THSD7B: variants seen among roughly 807,000 people sequenced by gnomAD.
The protein encoded by THSD7B is thrombospondin type-1 domain-containing protein 7B.
Under a neutral mutation model 213.6 loss-of-function variants are expected in THSD7B, and 138 were observed. The observed-to-expected ratio is 0.65, with a 90% confidence interval of 0.56 to 0.74. THSD7B has a LOEUF of 0.74. Ranked by LOEUF, THSD7B falls within the 30% of genes least tolerant of loss-of-function variation. The probability of loss-of-function intolerance (pLI) is 0.00; values close to 1 mark genes in which losing one functional copy is unlikely to be tolerated. For missense variants in THSD7B, 1,931 were observed against 1,991.5 expected, an observed-to-expected ratio of 0.97 and a Z score of 0.58; for synonymous variants, 742 against 687.0, an observed-to-expected ratio of 1.08 and a Z score of -1.25.
At chr2:136,993,669 A>G (rs1272048082) in intron 2 of THSD7B, among the ~76,000 whole-genome samples, 1 of 152,344 alleles carries the variant, frequency 6.6e-6, no homozygotes, top group East Asian at 1.9e-4. Context: ...CTGTGGCCCA[A>G]ATCTGTTCAC....
At chr2:137,609,969 G>A (rs1026443529) in intron 17 of THSD7B, among the ~76,000 whole-genome samples, 4 of 152,102 alleles carry the variant, frequency 2.6e-5, no homozygotes, top group Admixed American at 6.6e-5. Context: ...AAATAAGGGA[G>A]TCAAAATTGA....
intron 7 of THSD7B, among the ~76,000 whole-genome samples, chr2:137,214,518 G>A (rs62171064): frequency 0.04 from 6,110 of 152,128 alleles, 348 homozygotes; most frequent in East Asian, 0.34. Flanking sequence ...ATGCCATGGT[G>A]GTTTGCTGCA....
rs57138045 is a variant in THSD7B at position 136,998,909 on chromosome 2, G to GACACACACACACACACAC, written c.140-57478_140-57461dup. On this transcript the variant is annotated intron_variant, in intron 2 of 27. Transcript: ENST00000409968. Reference sequence around the variant, plus strand: ...TTTCATGCTCCTTGAATACCCAACAGACACACACACACACACACACACACA... The same window carrying GACACACACACACACACAC: ...TTTCATGCTCCTTGAATACCCAACAGACACACACACACACACACACACACACACACACACACACACACA... Among the ~76,000 whole-genome samples the GACACACACACACACACAC allele has an allele frequency of 3.0e-4, 39 of 129,984 alleles. No individual in the cohort carries two copies. The East Asian group carries it at 3.9e-3, about 13-fold the overall frequency. The allele number at this position is 129,984 out of a possible 152,430, so 85.3% of individuals were successfully genotyped here.
chr2:137,384,839 G>T lies in THSD7B; in HGVS notation c.2501-20774G>T, dbSNP rs1052162730. On this transcript the variant is annotated intron_variant, in intron 12 of 27. Coordinates refer to ENST00000409968, the MANE Select transcript of THSD7B (RefSeq NM_001316349.2). ...CTGATGGTGCTGGCTGGCAGGCTTAGCAGAAGATTCTACCCTGGAACTCCT... is the reference window on the plus strand; with the variant it reads ...CTGATGGTGCTGGCTGGCAGGCTTATCAGAAGATTCTACCCTGGAACTCCT... 9.9e-5 allele frequency among the ~76,000 whole-genome samples: 15 copies of T among 152,084 alleles called. 1 individual carries two copies. Among genetic ancestry groups the T allele is most frequent in the African/African-American group, 3.6e-4 (15 of 41,420 alleles).
intron 2 of THSD7B, among the ~76,000 whole-genome samples, chr2:136,956,038 A>G (rs562323983): frequency 3.3e-4 from 14 of 42,528 alleles, no homozygotes; most frequent in African/African-American, 3.5e-4. Context: ...AAAAAAAAAG[A>G]AAAAAAAAAA....
At chr2:137,174,655 T>A (rs866313634) in intron 7 of THSD7B, among the ~76,000 whole-genome samples, 24 of 152,146 alleles carry the variant, frequency 1.6e-4, no homozygotes, top group African/African-American at 5.8e-4. Context: ...GCAAACATTA[T>A]GTTAGTCAGT....
At chr2:136,936,405 A>G (rs575477953) in intron 2 of THSD7B, among the ~76,000 whole-genome samples, 16 of 152,318 alleles carry the variant, frequency 1.1e-4, no homozygotes, top group African/African-American at 3.4e-4. Context: ...CAATTGCAAA[A>G]ATGTGGAACC....
At chr2:136,968,251 T>C (rs748245337) in intron 2 of THSD7B, among the ~76,000 whole-genome samples, 1 of 152,160 alleles carries the variant, frequency 6.6e-6, no homozygotes, top group Non-Finnish European at 1.5e-5. Flanking sequence ...CAGTATTCCA[T>C]AGGTTAGTAA....
At chr2:137,061,313 G>A (rs1163187984) in intron 3 of THSD7B, among the ~76,000 whole-genome samples, 2 of 146,008 alleles carry the variant, frequency 1.4e-5, no homozygotes, top group Non-Finnish European at 3.0e-5. Context: ...AAAAAAAAAG[G>A]AAAAATTATT....
At chr2:137,153,172 A>G (rs1679850268) in intron 5 of THSD7B, among the ~76,000 whole-genome samples, 1 of 152,070 alleles carries the variant, frequency 6.6e-6, no homozygotes, top group African/African-American at 2.4e-5. Flanking sequence ...GTGGCTATTG[A>G]CTTTGATTTC....
chr2:137,054,221 A>G (rs904814354), intron 2 of THSD7B, among the ~76,000 whole-genome samples: 2 of 152,220 alleles, frequency 1.3e-5, no homozygotes, highest in African/African-American at 4.8e-5. Flanking sequence ...GGGACAACAG[A>G]CTGGAGGAAG....
intron 3 of THSD7B, among the ~76,000 whole-genome samples, chr2:137,082,534 T>C (rs1489177403): frequency 6.6e-6 from 1 of 150,608 alleles, no homozygotes; most frequent in East Asian, 2.0e-4. Context: ...CTCTCAAATA[T>C]TTTAACTTTA....
intron 2 of THSD7B, among the ~76,000 whole-genome samples, chr2:136,890,344 T>C (rs1247835470): frequency 2.2e-4 from 1 of 4,512 alleles, no homozygotes; most frequent in Admixed American, 2.0e-3. Context: ...CTTCTTCTTC[T>C]TCTTCTTCTT....
At chr2:136,877,053 A>G (rs1481676879) in intron 1 of THSD7B, among the ~76,000 whole-genome samples, 3 of 152,170 alleles carry the variant, frequency 2.0e-5, no homozygotes, top group Non-Finnish European at 4.4e-5. Context: ...GAATCTTCAC[A>G]TGTGCAGGTG....
chr2:137,431,061 C>T (rs942372876), intron 14 of THSD7B, among the ~76,000 whole-genome samples: 2 of 152,246 alleles, frequency 1.3e-5, no homozygotes, highest in Admixed American at 1.3e-4. Context: ...TAAGAGTGAA[C>T]GTGGCCCATA....
At chr2:137,083,596 A>G (rs941742900) in intron 3 of THSD7B, among the ~76,000 whole-genome samples, 1 of 152,110 alleles carries the variant, frequency 6.6e-6, no homozygotes, top group Non-Finnish European at 1.5e-5. Context: ...AAATGCTACC[A>G]GTTTAGAGTC....
chr2:136,817,412 G>C (rs1682492582), intron 1 of THSD7B, among the ~76,000 whole-genome samples: 2 of 150,608 alleles, frequency 1.3e-5, no homozygotes, highest in Non-Finnish European at 3.0e-5. Flanking sequence ...ATTGCTTTTG[G>C]TGTTTTAGAC....
intron 2 of THSD7B, among the ~76,000 whole-genome samples, chr2:136,923,275 G>A (rs1326808046): frequency 6.6e-6 from 1 of 152,028 alleles, no homozygotes; most frequent in African/African-American, 2.4e-5. Context: ...GTATGTAACA[G>A]AATTTCCTTC....
At chr2:137,569,363 C>A (rs1039717109) in intron 16 of THSD7B, among the ~76,000 whole-genome samples, 8 of 152,138 alleles carry the variant, frequency 5.3e-5, no homozygotes, top group Non-Finnish European at 1.2e-4. Context: ...TTTACTTAAA[C>A]CTCTGTTTAC....
Sources: allele counts gnomAD v4.1 joint callset (sites outside exome capture counted in the v4.1 genomes callset), GRCh38; gene constraint gnomAD v4.1.1; transcripts MANE v1.5; gene names NCBI Gene and HGNC (gene_info 2026-07-23, HGNC 2026-07-21).